The following GRHL3 variants were observed in gnomAD, a reference collection of about 807,000 sequenced individuals.
GRHL3 encodes grainyhead like transcription factor 3, also known as grainyhead-like protein 3 homolog.
In GRHL3, 20 loss-of-function variants were observed where a neutral mutation model predicts 70.3. The observed-to-expected ratio is 0.28, with a 90% CI of 0.20 to 0.41. The LOEUF is 0.41. Among genes scored for constraint, GRHL3 ranks in the 10% least tolerant of loss-of-function variants. The pLI, the probability that GRHL3 is intolerant of heterozygous loss-of-function variation, is 1.00. For missense variants in GRHL3, 637 were observed against 762.3 expected, an observed-to-expected ratio of 0.84 and a Z score of 1.94; for synonymous variants, 299 against 299.9, an observed-to-expected ratio of 1.00 and a Z score of 0.03.
chr1:24,323,443 C>G (rs1639280438), intron 1 of GRHL3, among the ~76,000 whole-genome samples: 1 of 152,196 alleles, frequency 6.6e-6, no homozygotes, highest in South Asian at 2.1e-4. Flanking sequence ...GACTGGGAAG[C>G]AGGAGGTTCC....
At chr1:24,344,326 T>C (rs553669124) in intron 11 of GRHL3, among the ~76,000 whole-genome samples, 11 of 151,768 alleles carry the variant, frequency 7.2e-5, no homozygotes, top group African/African-American at 2.4e-4. Flanking sequence ...CACTGTAGGG[T>C]CCAAGAAGAG....
chr1:24,361,699 C>T (rs945120436), intron 15 of GRHL3, among the ~76,000 whole-genome samples: 2 of 152,032 alleles, frequency 1.3e-5, no homozygotes, highest in Non-Finnish European at 2.9e-5. Flanking sequence ...CCACTCACAC[C>T]GCCATTGTTT....
At chr1:24,363,693 T>C (rs1235761319) in intron 15 of GRHL3, among the ~76,000 whole-genome samples, 3 of 152,292 alleles carry the variant, frequency 2.0e-5, no homozygotes, top group South Asian at 4.1e-4. Flanking sequence ...AAAAACTGCA[T>C]TGAAAGCAGA....
At position 24,354,401 on chromosome 1, in the gene GRHL3, C is replaced by T; in HGVS notation, c.1722C>T (p.Ile574=). Residue 574 remains isoleucine, a synonymous_variant, in exon 16 of 16, where the codon ATC becomes ATT. Transcript: ENST00000361548. ...RGILVNMDNN[I]IQHYSNHVAF... ...TCTTAGTCAACATGGACAACAACAT[C>T]ATTCAGCATTACAGCAACCACGTCG... The T allele has an allele frequency of 6.2e-7, 1 of 1,613,560 alleles. No individual in the cohort carries two copies. The highest frequency in any genetic ancestry group is 2.2e-5 in the East Asian group (1 of 44,860).
downstream of GRHL3, chr1:24,358,728 C>A (rs1207717047): frequency 9.2e-6 from 7 of 758,562 alleles, no homozygotes; most frequent in East Asian, 1.3e-4. Flanking sequence ...TGTGCCAGCC[C>A]CTGTATCTTA....
intron 6 of GRHL3, 76 bp downstream of exon 6, chr1:24,337,865 C>T: frequency 6.3e-7 from 1 of 1,594,540 alleles, no homozygotes; most frequent in South Asian, 1.1e-5. Context: ...AGCCACGGAC[C>T]CTGGGGAAAG....
chr1:24,360,399 C>T (rs1255395968), intron 15 of GRHL3, among the ~76,000 whole-genome samples: 2 of 152,146 alleles, frequency 1.3e-5, no homozygotes, highest in Non-Finnish European at 2.9e-5. Flanking sequence ...TGAGCCAAGA[C>T]CGCACTACTG....
intron 15 of GRHL3, 85 bp from the exon 16 acceptor site, chr1:24,354,289 T>C (rs922257836): frequency 1.1e-6 from 1 of 871,044 alleles, no homozygotes; most frequent in Non-Finnish European, 1.9e-6. Flanking sequence ...CCACTGGGTA[T>C]GACCCATCAC....
At chr1:24,347,335 C>G (rs1220253535) in intron 13 of GRHL3, 133 bp from the exon 14 acceptor site, 1 of 770,030 alleles carries the variant, frequency 1.3e-6, no homozygotes. Flanking sequence ...CAGAGCCGGC[C>G]AAAGGGCCTC....
chr1:24,330,704 TC>T (rs758351461), intron 1 of GRHL3, among the ~76,000 whole-genome samples: 2 of 152,218 alleles, frequency 1.3e-5, no homozygotes, highest in African/African-American at 2.4e-5. Flanking sequence ...AGAAAGCCTT[TC>T]CTGATCTCTT....
chr1:24,332,837 C>T (rs1235330518), intron 2 of GRHL3, among the ~76,000 whole-genome samples: 1 of 152,186 alleles, frequency 6.6e-6, no homozygotes, highest in Non-Finnish European at 1.5e-5. Context: ...AGGAGAAAGC[C>T]CAAAACTATC....
chr1:24,352,669 C>T (rs2148667839), intron 15 of GRHL3, among the ~76,000 whole-genome samples: 1 of 152,288 alleles, frequency 6.6e-6, no homozygotes, highest in East Asian at 1.9e-4. Flanking sequence ...TTCACAGTGC[C>T]TGGCACCTAG....
intron 1 of GRHL3, among the ~76,000 whole-genome samples, chr1:24,327,202 A>T (rs995816856): frequency 1.3e-5 from 2 of 152,230 alleles, no homozygotes; most frequent in Non-Finnish European, 2.9e-5. Flanking sequence ...ACTGTAAAGT[A>T]GCCACCCCTA....
At chr1:24,364,185 G>A in exon 16 of GRHL3, 1 of 1,490,324 alleles carries the variant, frequency 6.7e-7, no homozygotes, top group Non-Finnish European at 8.9e-7. Flanking sequence ...TTTCTTCCAG[G>A]GAAACTTCTC....
chr1:24,339,578 C>T (rs1185322334), intron 7 of GRHL3, 90 bp from the exon 8 acceptor site: 6 of 836,136 alleles, frequency 7.2e-6, no homozygotes, highest in African/African-American at 5.1e-5. Context: ...CACGCCCGGC[C>T]GAGTGAGGCC....
chr1:24,345,037 TGTGCCCCCTCC>T, intron 12 of GRHL3, 106 bp downstream of exon 12: 1 of 791,882 alleles, frequency 1.3e-6, no homozygotes, highest in Non-Finnish European at 1.8e-6. Context: ...CCTCTACACC[TGTGCCCCCTCC>T]ACACCTGTGC....
At chr1:24,320,392 G>A (rs1006299021) in intron 1 of GRHL3, among the ~76,000 whole-genome samples, 4 of 152,174 alleles carry the variant, frequency 2.6e-5, no homozygotes, top group African/African-American at 9.7e-5. Flanking sequence ...GATCCTGACT[G>A]ACTGATGCTG....
At chr1:24,364,432 T>A (rs1641324178) in exon 16 of GRHL3, 1 of 1,467,402 alleles carries the variant, frequency 6.8e-7, no homozygotes, top group Admixed American at 2.6e-5. Flanking sequence ...AGCTCTCAGC[T>A]CAGAGTATGT....
At chr1:24,341,836 CTG>C (rs1348529187) in intron 8 of GRHL3, among the ~76,000 whole-genome samples, 1 of 152,242 alleles carries the variant, frequency 6.6e-6, no homozygotes, top group Non-Finnish European at 1.5e-5. Flanking sequence ...CTAGCGGAAA[CTG>C]TACCAACAGC....
Sources: gnomAD v4.1 joint callset for allele counts (sites outside exome capture counted in the v4.1 genomes callset) on GRCh38, gnomAD v4.1.1 for gene constraint, MANE v1.5 for transcripts, NCBI Gene and HGNC (gene_info 2026-07-23, HGNC 2026-07-21) for gene names.